Variants in KHDRBS2 observed in about 807,000 individuals in gnomAD.
KHDRBS2 encodes KH domain-containing, RNA-binding, signal transduction-associated protein 2.
In KHDRBS2, 26 loss-of-function variants were observed where a neutral mutation model predicts 44.3. The ratio of observed to expected loss-of-function variants is 0.59; its 90% CI spans 0.43 to 0.81. The LOEUF is 0.81. Ranked by LOEUF, KHDRBS2 falls within the 40% of genes least tolerant of loss-of-function variation. The pLI is 0.00. For missense variants in KHDRBS2, 476 were observed against 433.1 expected, an observed-to-expected ratio of 1.10 and a Z score of -0.88; for synonymous variants, 194 against 151.1, an observed-to-expected ratio of 1.28 and a Z score of -2.08.
At chr6:61,639,586 G>A in the KHDRBS2 span, among the ~76,000 whole-genome samples, 1 of 151,852 alleles carries the variant, frequency 6.6e-6, no homozygotes, top group South Asian at 2.1e-4. Context: ...TGAAATGATA[G>A]TCCCTATACT....
chr6:61,544,243 AAAAT>A, the KHDRBS2 span, among the ~76,000 whole-genome samples: 1 of 152,074 alleles, frequency 6.6e-6, no homozygotes, highest in Non-Finnish European at 1.5e-5. Context: ...CCTAAAAATT[AAAAT>A]AAATAAAAAG....
At chr6:62,054,767 C>T (rs1472070914) in intron 2 of KHDRBS2, among the ~76,000 whole-genome samples, 2 of 152,024 alleles carry the variant, frequency 1.3e-5, no homozygotes, top group African/African-American at 4.8e-5. Context: ...ACCCTGCAGA[C>T]ACCTGGATTT....
At chr6:61,802,600 A>G (rs1032180293) in intron 6 of KHDRBS2, among the ~76,000 whole-genome samples, 6 of 152,178 alleles carry the variant, frequency 3.9e-5, no homozygotes, top group African/African-American at 7.2e-5. Context: ...AGTTTCAAAC[A>G]GAGACACAGA....
At chr6:61,574,338 G>A in the KHDRBS2 span, 55 of 1,528,710 alleles carry the variant, frequency 3.6e-5, no homozygotes, top group South Asian at 5.0e-4. Context: ...ATGGCTCGAC[G>A]AGGTTTCAGC....
At position 61,954,798 on chromosome 6, in the gene KHDRBS2, G is replaced by T. The variant is rs752765367; in HGVS notation, c.483+23268C>A. Among the ~76,000 whole-genome samples the T allele has an allele frequency of 1.8e-3, 130 of 73,324 alleles. 2 individuals carry two copies. The highest frequency in any genetic ancestry group is 5.2e-3 in the African/African-American group (89 of 17,148). The allele number at this position is 73,324 out of a possible 152,430, so 48.1% of individuals were successfully genotyped here. On this transcript the variant is annotated intron_variant, in intron 4 of 8. Transcript: ENST00000281156. ...CATATGTGTATATACACATGCATAT[G>T]TATGTATACATACGCATGTGTATAT... is the stretch of plus-strand genomic sequence containing the variant.
intron 6 of KHDRBS2, among the ~76,000 whole-genome samples, chr6:61,799,464 A>T (rs1035673606): frequency 2.6e-5 from 4 of 152,080 alleles, no homozygotes; most frequent in Non-Finnish European, 5.9e-5. Flanking sequence ...CATCATTATG[A>T]CATCTTAATG....
At chr6:61,994,097 TG>T (rs1434307249) in intron 3 of KHDRBS2, among the ~76,000 whole-genome samples, 1 of 152,152 alleles carries the variant, frequency 6.6e-6, no homozygotes, top group African/African-American at 2.4e-5. Flanking sequence ...CAGCTGTTAT[TG>T]GTACACAAGA....
At chr6:61,594,325 T>C in the KHDRBS2 span, among the ~76,000 whole-genome samples, 1 of 152,114 alleles carries the variant, frequency 6.6e-6, no homozygotes, top group Admixed American at 6.6e-5. Context: ...TGATGCTAGG[T>C]TGGTAATTTT....
At chr6:61,606,370 C>T in the KHDRBS2 span, among the ~76,000 whole-genome samples, 1 of 152,170 alleles carries the variant, frequency 6.6e-6, no homozygotes, top group Non-Finnish European at 1.5e-5. Context: ...ATCTTGCTCA[C>T]AGTGCCAAAA....
intron 6 of KHDRBS2, among the ~76,000 whole-genome samples, chr6:61,851,736 C>A (rs975335657): frequency 6.6e-6 from 1 of 152,090 alleles, no homozygotes; most frequent in Non-Finnish European, 1.5e-5. Context: ...TATAGCATTT[C>A]GTTATGGCAA....
the KHDRBS2 span, among the ~76,000 whole-genome samples, chr6:61,578,952 G>T: frequency 6.6e-6 from 1 of 152,116 alleles, no homozygotes; most frequent in East Asian, 1.9e-4. Flanking sequence ...CCAGGAGGAA[G>T]TTTGGTAATA....
intron 6 of KHDRBS2, among the ~76,000 whole-genome samples, chr6:61,781,821 C>T (rs183508524): frequency 1.3e-5 from 2 of 152,188 alleles, no homozygotes; most frequent in East Asian, 1.9e-4. Context: ...GAGAAGAAAC[C>T]TTTTATGATT....
intron 4 of KHDRBS2, among the ~76,000 whole-genome samples, chr6:61,950,601 A>T (rs1516721): frequency 6.6e-6 from 1 of 151,734 alleles, no homozygotes; most frequent in African/African-American, 2.4e-5. Context: ...ATTTATTTCA[A>T]CTATGCTAGT....
intron 6 of KHDRBS2, among the ~76,000 whole-genome samples, chr6:61,863,266 T>TG (rs1797292464): frequency 6.6e-6 from 1 of 151,244 alleles, no homozygotes; most frequent in Non-Finnish European, 1.5e-5. Context: ...GGGGTTTTTT[T>TG]TTTTTTTTGT....
intron 6 of KHDRBS2, among the ~76,000 whole-genome samples, chr6:61,734,527 C>G (rs1313465824): frequency 6.6e-6 from 1 of 151,934 alleles, no homozygotes; most frequent in African/African-American, 2.4e-5. Context: ...TTTCTATTGG[C>G]TGTCCATTCA....
intron 3 of KHDRBS2, among the ~76,000 whole-genome samples, chr6:62,022,837 T>G (rs1782595418): frequency 6.6e-6 from 1 of 151,728 alleles, no homozygotes; most frequent in Admixed American, 6.6e-5. Context: ...ATTGCAATAG[T>G]GAAATTCCTT....
intron 6 of KHDRBS2, among the ~76,000 whole-genome samples, chr6:61,859,486 G>T (rs370386246): frequency 6.6e-6 from 1 of 151,170 alleles, no homozygotes; most frequent in Non-Finnish European, 1.5e-5. Context: ...AAAAAAAGTC[G>T]CCCATTTATA....
At chr6:61,767,073 T>A (rs1455596242) in intron 6 of KHDRBS2, among the ~76,000 whole-genome samples, 1 of 152,120 alleles carries the variant, frequency 6.6e-6, no homozygotes, top group Non-Finnish European at 1.5e-5. Flanking sequence ...GTAGCTATTA[T>A]TGTTTTGGAG....
intron 6 of KHDRBS2, among the ~76,000 whole-genome samples, chr6:61,888,087 C>G (rs1421851661): frequency 6.6e-6 from 1 of 152,158 alleles, no homozygotes; most frequent in Non-Finnish European, 1.5e-5. Flanking sequence ...CTCCTAGATA[C>G]GTTTTGGGAT....
Sources: allele counts gnomAD v4.1 joint callset (sites outside exome capture counted in the v4.1 genomes callset), GRCh38; gene constraint gnomAD v4.1.1; transcripts MANE v1.5; gene names NCBI Gene and HGNC (gene_info 2026-07-23, HGNC 2026-07-21).